Variants in ATP2B2 observed in about 807,000 individuals in gnomAD.
ATP2B2 encodes the protein plasma membrane calcium-transporting ATPase 2.
In ATP2B2, 15 loss-of-function variants were observed where a neutral mutation model predicts 120.0. The ratio of observed to expected loss-of-function variants is 0.12; its 90% CI spans 0.08 to 0.19. ATP2B2 has a LOEUF of 0.19. Ranked by LOEUF, ATP2B2 falls within the 10% of genes least tolerant of loss-of-function variation. ATP2B2 has a pLI of 1.00. For synonymous variants in ATP2B2, 694 were observed against 700.3 expected, an observed-to-expected ratio of 0.99 and a Z score of 0.14; for missense variants, 1,045 against 1,719.8, an observed-to-expected ratio of 0.61 and a Z score of 6.94.
chr3:10,453,790 T>C (rs1045378549), intron 1 of ATP2B2, among the ~76,000 whole-genome samples: 4 of 152,174 alleles, frequency 2.6e-5, no homozygotes, highest in Non-Finnish European at 5.9e-5. Context: ...AGTGGGCTAC[T>C]GTTGATTTTA....
intron 2 of ATP2B2, among the ~76,000 whole-genome samples, chr3:10,590,475 C>T (rs2068617360): frequency 6.6e-6 from 1 of 152,228 alleles, no homozygotes; most frequent in African/African-American, 2.4e-5. Flanking sequence ...TTCAGCCTCG[C>T]TGAAGGCTCC....
chr3:10,466,394 T>G (rs1188426948), intron 1 of ATP2B2, among the ~76,000 whole-genome samples: 1 of 152,118 alleles, frequency 6.6e-6, no homozygotes. Context: ...CTGAGTGGGC[T>G]GGGTGTTGAG....
intron 1 of ATP2B2, among the ~76,000 whole-genome samples, chr3:10,656,738 G>C (rs1359995425): frequency 6.6e-6 from 1 of 152,244 alleles, no homozygotes; most frequent in Admixed American, 6.5e-5. Flanking sequence ...GATGTTACAA[G>C]TGTTTTGAAG....
At position 10,329,176 on chromosome 3, in the gene ATP2B2, GCTC is replaced by G; in HGVS notation, c.3421-54_3421-52del. 6.4e-7 allele frequency: 1 copy of G among 1,551,736 alleles called. No homozygotes were observed. The highest frequency in any genetic ancestry group is 2.3e-5 in the East Asian group (1 of 44,074). On this transcript the variant is annotated intron_variant, in intron 22 of 22. Transcript: ENST00000360273. The surrounding 1 kb of genome is among the most constrained non-coding windows in gnomAD (Gnocchi z 5.9). The stretch of plus-strand genomic sequence containing the variant: ...AGCACTGCCCAGGGACCACAGCCAG[GCTC>G]GGGGGGCTCACAGGAGGGGCGGGTG...
At chr3:10,542,717 T>G (rs182043600) in intron 2 of ATP2B2, among the ~76,000 whole-genome samples, 3 of 152,352 alleles carry the variant, frequency 2.0e-5, no homozygotes, top group Admixed American at 1.3e-4. Context: ...ATTCAAAATT[T>G]TTACGCCCAT....
chr3:10,352,319 G>C (rs2060601506), intron 14 of ATP2B2, among the ~76,000 whole-genome samples: 1 of 152,210 alleles, frequency 6.6e-6, no homozygotes, highest in Admixed American at 6.5e-5. Context: ...GGCCACCAGT[G>C]ACCTGCCTGA....
chr3:10,591,031 C>T (rs187463733), intron 2 of ATP2B2, among the ~76,000 whole-genome samples: 8 of 151,958 alleles, frequency 5.3e-5, no homozygotes, highest in African/African-American at 1.4e-4. Flanking sequence ...GGTCTACATG[C>T]GCTTTATCTC....
intron 1 of ATP2B2, among the ~76,000 whole-genome samples, chr3:10,452,460 G>C (rs530832441): frequency 7.9e-5 from 12 of 152,330 alleles, no homozygotes; most frequent in African/African-American, 2.6e-4. Flanking sequence ...GCAGGGATGG[G>C]GCGGGAGCTT....
chr3:10,579,228 CT>C (rs2068326846), intron 2 of ATP2B2, among the ~76,000 whole-genome samples: 1 of 152,218 alleles, frequency 6.6e-6, no homozygotes, highest in Non-Finnish European at 1.5e-5. Context: ...GGGGAGGCAC[CT>C]CTCATTCTCT....
chr3:10,391,805 C>T (rs1211878191), intron 5 of ATP2B2, among the ~76,000 whole-genome samples: 1 of 152,226 alleles, frequency 6.6e-6, no homozygotes, highest in Non-Finnish European at 1.5e-5. Context: ...GGAGGGCTCC[C>T]TGAGGTCCAA....
chr3:10,677,566 T>C (rs1284830023), intron 1 of ATP2B2, among the ~76,000 whole-genome samples: 1 of 152,200 alleles, frequency 6.6e-6, no homozygotes, highest in Non-Finnish European at 1.5e-5. Flanking sequence ...TGTGTCAATG[T>C]AGGCCCATCC....
intron 5 of ATP2B2, among the ~76,000 whole-genome samples, chr3:10,394,869 C>T (rs532207287): frequency 6.6e-6 from 1 of 152,010 alleles, no homozygotes; most frequent in South Asian, 2.1e-4. Context: ...CATCCTGGCC[C>T]CCTGGCTCCA....
chr3:10,375,595 A>G lies in ATP2B2; in HGVS notation c.1251T>C (p.Thr417=), dbSNP rs1490942824. 6.2e-7 allele frequency: 1 copy of G among 1,613,796 alleles called. No homozygotes were observed. The highest frequency in any genetic ancestry group is 8.5e-7 in the Non-Finnish European group (1 of 1,180,024). ...TCTTGTTGACCACGAAGGTGTCCAC[A>G]GTGAAGTAGAGCACCAGGATGATCA... The part of the protein sequence containing the change: ...ITVIILVLYF[T]VDTFVVNKKP... The change falls in exon 11 of 23, where the codon ACT becomes ACC. Residue 417 remains threonine (T), a synonymous_variant. Coordinates refer to ENST00000360273, the MANE Select transcript of ATP2B2 (RefSeq NM_001001331.4). This position sits in a 1 kb window ranked among gnomAD's most constrained non-coding sequence, Gnocchi z 4.2.
chr3:10,603,085 AG>A (rs1201404401), intron 2 of ATP2B2, among the ~76,000 whole-genome samples: 3 of 152,214 alleles, frequency 2.0e-5, no homozygotes, highest in Non-Finnish European at 4.4e-5. Context: ...AACGATGATG[AG>A]GTGTGTCAGG....
intron 1 of ATP2B2, among the ~76,000 whole-genome samples, chr3:10,624,987 C>T (rs2069655473): frequency 6.6e-6 from 1 of 152,302 alleles, no homozygotes; most frequent in South Asian, 2.1e-4. Context: ...CTTTCTGTGT[C>T]CTTAACAGAG....
intron 1 of ATP2B2, among the ~76,000 whole-genome samples, chr3:10,688,652 C>T (rs1420616565): frequency 6.6e-6 from 1 of 152,170 alleles, no homozygotes; most frequent in African/African-American, 2.4e-5. Context: ...AGCAGCCCTC[C>T]ACAGTGGTGT....
At chr3:10,694,295 C>T (rs779623278) in intron 1 of ATP2B2, among the ~76,000 whole-genome samples, 1 of 152,234 alleles carries the variant, frequency 6.6e-6, no homozygotes, top group African/African-American at 2.4e-5. Flanking sequence ...AAGACTCCTT[C>T]GTACTACCCC....
intron 1 of ATP2B2, among the ~76,000 whole-genome samples, chr3:10,492,322 C>T (rs577733668): frequency 3.9e-5 from 6 of 152,258 alleles, no homozygotes; most frequent in Admixed American, 3.9e-4. Context: ...GTCTAATCAG[C>T]AGAAATTTCC....
chr3:10,468,497 G>A (rs960900886), intron 1 of ATP2B2, among the ~76,000 whole-genome samples: 1 of 152,242 alleles, frequency 6.6e-6, no homozygotes, highest in African/African-American at 2.4e-5. Context: ...CCAGGGAGGA[G>A]CGGCCACCAG....
Sources: gnomAD v4.1 joint callset for allele counts (sites outside exome capture counted in the v4.1 genomes callset) on GRCh38, gnomAD v4.1.1 for gene constraint, Gnocchi (gnomAD v3.1) non-coding constraint, MANE v1.5 for transcripts, NCBI Gene and HGNC (gene_info 2026-07-23, HGNC 2026-07-21) for gene names.